Variants in ZNF143 observed in about 807,000 individuals in gnomAD.
The protein encoded by ZNF143 is SPH-binding factor.
Under a neutral mutation model 74.1 loss-of-function variants are expected in ZNF143, and 49 were observed. The ratio of observed to expected loss-of-function variants is 0.66; its 90% CI spans 0.53 to 0.84. The LOEUF (loss-of-function observed/expected upper bound fraction) is 0.84, where lower values mean the gene tolerates loss of function less well. Ranked by LOEUF, ZNF143 falls within the 40% of genes least tolerant of loss-of-function variation. The pLI is 0.00. For synonymous variants in ZNF143, 304 were observed against 282.8 expected (o/e 1.07, Z -0.75); for missense variants, 637 against 793.4 (o/e 0.80, Z 2.37).
rs564321679 is a variant in ZNF143, at chr11:9,492,538, C to T, written c.646-2108C>T. Among the ~76,000 whole-genome samples, 3 of 152,178 alleles carry T rather than the reference C, an allele frequency of 2.0e-5. No homozygotes were observed. In the South Asian group the frequency reaches 6.2e-4, roughly 32 times the overall value. On this transcript the variant is annotated intron_variant, in intron 7 of 15. Coordinates refer to ENST00000396602, the MANE Select transcript of ZNF143 (RefSeq NM_003442.6). ...CTGAGATTACAGGTCTGAGCCACCACGCCTGGCACAGCCTACACACTTTAA... is the reference window on the plus strand; with the variant it reads ...CTGAGATTACAGGTCTGAGCCACCATGCCTGGCACAGCCTACACACTTTAA...
At chr11:9,517,396 T>C (rs1376264397) in intron 14 of ZNF143, among the ~76,000 whole-genome samples, 1 of 152,192 alleles carries the variant, frequency 6.6e-6, no homozygotes, top group Non-Finnish European at 1.5e-5. Context: ...CTTGTGCACA[T>C]GTGATTTTGC....
chr11:9,489,030 AAGCC>A (rs1322550839), intron 7 of ZNF143, among the ~76,000 whole-genome samples: 2 of 152,224 alleles, frequency 1.3e-5, no homozygotes, highest in Non-Finnish European at 1.5e-5. Flanking sequence ...ATTGAGGTAA[AAGCC>A]AGAATGGCTT....
chr11:9,525,470 C>T, intron 15 of ZNF143, 84 bp downstream of exon 15: 3 of 1,549,444 alleles, frequency 1.9e-6, no homozygotes, highest in Non-Finnish European at 2.7e-6. Context: ...CGTGTATAAC[C>T]TTTACAGGAG....
chr11:9,471,330 C>A lies in ZNF143; in HGVS notation c.22C>A (p.Arg8=). The change falls in exon 2 of 16, where the codon CGA becomes AGA. Residue 8 remains arginine (R), a synonymous_variant. Coordinates refer to ENST00000396602, the MANE Select transcript of ZNF143 (RefSeq NM_003442.6). MLLAQIN[R]DSQGMTEFPG... Reference sequence around the variant, plus strand: ...GAAGATGTTGTTAGCCCAAATAAATCGAGATTCTCAGGGAATGACAGAGTT... The same window carrying A: ...GAAGATGTTGTTAGCCCAAATAAATAGAGATTCTCAGGGAATGACAGAGTT... 6.2e-7 allele frequency: 1 copy of A among 1,611,590 alleles called. No individual in the cohort carries two copies. The highest frequency in any genetic ancestry group is 1.1e-5 in the South Asian group (1 of 90,452).
intron 11 of ZNF143, among the ~76,000 whole-genome samples, chr11:9,503,911 C>G (rs1848257818): frequency 6.8e-6 from 1 of 147,506 alleles, no homozygotes; most frequent in African/African-American, 2.5e-5. Context: ...CTTGGCCTCC[C>G]AAAGTGGTGG....
At chr11:9,486,428 ATTATATATATAATATATTAT>A (rs1847535708) in intron 7 of ZNF143, among the ~76,000 whole-genome samples, 1 of 48,104 alleles carries the variant, frequency 2.1e-5, no homozygotes, top group Admixed American at 3.9e-4. Context: ...TATTATATAT[ATTATATATATAATATATTAT>A]ATATATTATA....
chr11:9,465,907 C>T (rs1352487775), intron 1 of ZNF143, among the ~76,000 whole-genome samples: 3 of 151,944 alleles, frequency 2.0e-5, no homozygotes, highest in Non-Finnish European at 2.9e-5. Context: ...TCACTGCAGC[C>T]TCTACCTCCC....
chr11:9,471,229 C>G (rs572595773), intron 1 of ZNF143, 73 bp from the exon 2 acceptor site: 1 of 1,272,018 alleles, frequency 7.9e-7, no homozygotes, highest in African/African-American at 1.5e-5. Flanking sequence ...TTTTGTGGTT[C>G]ATAAATATTC....
At chr11:9,497,597 T>A (rs1454193425) in intron 9 of ZNF143, 78 bp from the exon 10 acceptor site, 7 of 1,155,912 alleles carry the variant, frequency 6.1e-6, no homozygotes, top group Non-Finnish European at 8.6e-6. Context: ...ATTGACTATA[T>A]TTTTCAGTAG....
chr11:9,486,412 A>AATATATTATATATATAATATATATT lies in ZNF143; in HGVS notation c.645+6872_645+6873insTATATATATAATATATATTATATAT, dbSNP rs1554964446. Reference sequence around the variant, plus strand: ...AATATATATAATATATTATATATATAATATATATTATATATATTATATATA... The same window carrying AATATATTATATATATAATATATATT: ...AATATATATAATATATTATATATATAATATATTATATATATAATATATATTATATATATTATATATATTATATATA... On this transcript the variant is annotated intron_variant, in intron 7 of 15. Coordinates refer to ENST00000396602, the MANE Select transcript of ZNF143 (RefSeq NM_003442.6). Among the ~76,000 whole-genome samples, 8 of 19,320 alleles carry AATATATTATATATATAATATATATT rather than the reference A, an allele frequency of 4.1e-4. No homozygotes were observed. The East Asian group carries it at 8.7e-3, about 21-fold the overall frequency. The allele number at this position is 19,320 out of a possible 152,430, so 12.7% of individuals were successfully genotyped here.
At position 9,508,707 on chromosome 11, in the gene ZNF143, T is replaced by C. The variant is rs747284389; in HGVS notation, c.1236T>C (p.Thr412=). 2 of 1,614,102 alleles carry C rather than the reference T, an allele frequency of 1.2e-6. No homozygotes were observed. Among genetic ancestry groups the C allele is most frequent in the Non-Finnish European group, 8.5e-7 (1 of 1,180,028 alleles). ...TGTACAAACATCATGTTGTCCACAC[T>C]CATTCCAAACCTTACAACTGTAACC... The part of the protein sequence containing the change: ...SSLYKHHVVH[T]HSKPYNCNHC... The change falls in exon 12 of 16, where the codon ACT becomes ACC. Residue 412 remains threonine, a synonymous_variant. Transcript: ENST00000396602.
chr11:9,514,257 C>A (rs1459092054), intron 13 of ZNF143, among the ~76,000 whole-genome samples: 1 of 152,182 alleles, frequency 6.6e-6, no homozygotes, highest in Non-Finnish European at 1.5e-5. Flanking sequence ...TCCGACCATA[C>A]AGAATAAGTC....
At chr11:9,489,795 T>C (rs1425466681) in intron 7 of ZNF143, among the ~76,000 whole-genome samples, 1 of 152,182 alleles carries the variant, frequency 6.6e-6, no homozygotes, top group Non-Finnish European at 1.5e-5. Context: ...TTTCTCTTAA[T>C]TTGGAGTCTT....
rs540893289 is a variant in ZNF143 at position 9,524,881 on chromosome 11, G to GA, written c.1687-350dup. On this transcript the variant is annotated intron_variant, in intron 14 of 15. Transcript: ENST00000396602. ...ATTTTCTCCTATGAGCCAATCTCAG[G>GA]AAAAAAAAATGGACATTTGAGGTGC... is the stretch of plus-strand genomic sequence containing the variant. 5.9e-3 allele frequency among the ~76,000 whole-genome samples: 885 copies of GA among 150,690 alleles called. 9 individuals are homozygous for GA. Among genetic ancestry groups the GA allele is most frequent in the Non-Finnish European group, 8.6e-3 (579 of 67,550 alleles).
chr11:9,500,973 A>T (rs1019530418), intron 10 of ZNF143, 118 bp from the exon 11 acceptor site: 2 of 1,224,786 alleles, frequency 1.6e-6, no homozygotes, highest in Non-Finnish European at 2.3e-6. Flanking sequence ...CTGAAAGGGA[A>T]GCTCAGCACA....
rs368093950 is a variant in ZNF143 at position 9,471,222 on chromosome 11, TG to T, written c.-7-79del. 72 of 1,185,132 alleles carry T rather than the reference TG, an allele frequency of 6.1e-5. No homozygotes were observed. In the South Asian group the frequency reaches 1.1e-3, roughly 18 times the overall value. 73.4% of individuals were successfully genotyped at this position (1,185,132 alleles called of 1,614,324 possible). A position where few individuals can be genotyped will look rare whatever the true frequency, so the allele number is the denominator to read the frequency against. ...CACCATTACATCCTCAGCAGCTTTT[TG>T]TGGTTCATAAATATTCTTTGTAACT... On this transcript the variant is annotated intron_variant, in intron 1 of 15. Coordinates refer to ENST00000396602, the MANE Select transcript of ZNF143 (RefSeq NM_003442.6).
chr11:9,502,607 CAAAAA>C (rs35945973), intron 11 of ZNF143, among the ~76,000 whole-genome samples: 2 of 135,218 alleles, frequency 1.5e-5, no homozygotes, highest in Admixed American at 1.5e-4. Context: ...GACTCCATCT[CAAAAA>C]AAAAAAAAAA....
chr11:9,508,503 A>AG, intron 11 of ZNF143, 116 bp from the exon 12 acceptor site: 1 of 849,074 alleles, frequency 1.2e-6, no homozygotes, highest in Non-Finnish European at 1.8e-6. Flanking sequence ...TGGTGGGATG[A>AG]GGAGGGGTTT....
At chr11:9,512,759 AT>A (rs1337989195) in intron 13 of ZNF143, among the ~76,000 whole-genome samples, 163 bp downstream of exon 13, 1 of 152,198 alleles carries the variant, frequency 6.6e-6, no homozygotes, top group Non-Finnish European at 1.5e-5. Context: ...GTGCAGAGAG[AT>A]TAGGAGAGAG....
Sources: gnomAD v4.1 joint callset for allele counts (sites outside exome capture counted in the v4.1 genomes callset) on GRCh38, gnomAD v4.1.1 for gene constraint, MANE v1.5 for transcripts, NCBI Gene and HGNC (gene_info 2026-07-23, HGNC 2026-07-21) for gene names.